The following PPP1R2 variants were observed in gnomAD, a reference collection of about 807,000 sequenced individuals.
PPP1R2 encodes the protein protein phosphatase 1 regulatory inhibitor subunit 2, also known as protein phosphatase inhibitor 2.
PPP1R2 carries 16 observed loss-of-function variants against 29.9 expected under a neutral mutation model. The observed-to-expected ratio is 0.53, with a 90% CI of 0.36 to 0.81. PPP1R2 has a LOEUF of 0.81. Among genes scored for constraint, PPP1R2 ranks in the 30% least tolerant of loss-of-function variants. The probability of loss-of-function intolerance (pLI) is 0.00; values close to 1 mark genes in which losing one functional copy is unlikely to be tolerated. For synonymous variants in PPP1R2, 76 were observed against 91.5 expected, an observed-to-expected ratio of 0.83 and a Z score of 0.96; for missense variants, 197 against 252.7, an observed-to-expected ratio of 0.78 and a Z score of 1.49.
intron 5 of PPP1R2, 84 bp from the exon 6 acceptor site, chr3:195,517,026 C>T: frequency 9.4e-7 from 1 of 1,059,126 alleles, no homozygotes; most frequent in Non-Finnish European, 1.4e-6. Context: ...GCATGCATGA[C>T]AAGCAAATAT....
intron 1 of PPP1R2, among the ~76,000 whole-genome samples, chr3:195,537,963 A>C (rs1719457803): frequency 6.6e-6 from 1 of 152,242 alleles, no homozygotes; most frequent in Admixed American, 6.5e-5. Context: ...GGCATCTCTA[A>C]AGTGATGGCA....
At chr3:195,526,546 G>A (rs774732183) in intron 2 of PPP1R2, among the ~76,000 whole-genome samples, 17 of 152,130 alleles carry the variant, frequency 1.1e-4, no homozygotes, top group African/African-American at 2.2e-4. Flanking sequence ...TTATTTGAAT[G>A]GCAAATATCT....
At chr3:195,537,481 T>TTTGTGTGTGTG (rs150119072) in intron 1 of PPP1R2, among the ~76,000 whole-genome samples, 1 of 128,574 alleles carries the variant, frequency 7.8e-6, no homozygotes, top group Admixed American at 8.6e-5. Context: ...GGATTAGCTA[T>TTTGTGTGTGTG]TGTGTGTGTG....
intron 1 of PPP1R2, among the ~76,000 whole-genome samples, chr3:195,540,112 C>T (rs1423739113): frequency 6.6e-6 from 1 of 152,094 alleles, no homozygotes; most frequent in Non-Finnish European, 1.5e-5. Flanking sequence ...GCAAGTTTAC[C>T]TACTTGCTAA....
At chr3:195,518,116 G>A (rs1334177636) in intron 5 of PPP1R2, among the ~76,000 whole-genome samples, 2 of 152,108 alleles carry the variant, frequency 1.3e-5, no homozygotes, top group African/African-American at 4.8e-5. Context: ...CTCCATTAGT[G>A]ATGCAGAAGA....
At chr3:195,524,974 C>T in intron 2 of PPP1R2, 78 bp from the exon 3 acceptor site, 1 of 1,173,622 alleles carries the variant, frequency 8.5e-7, no homozygotes, top group Non-Finnish European at 1.3e-6. Context: ...AAAACAATTC[C>T]ATCAACCTAC....
intron 1 of PPP1R2, among the ~76,000 whole-genome samples, chr3:195,541,455 C>CTTT (rs553981950): frequency 1.0e-5 from 1 of 99,314 alleles, no homozygotes; most frequent in Non-Finnish European, 2.0e-5. Flanking sequence ...CTTTTCTTTC[C>CTTT]TTTTTTTTTT....
At chr3:195,519,437 T>A (rs1718672858) in intron 4 of PPP1R2, 1 of 365,224 alleles carries the variant, frequency 2.7e-6, no homozygotes, top group African/African-American at 2.1e-5. Context: ...AGAAATTATA[T>A]TTGTGAAGAA....
At chr3:195,527,892 A>C (rs1332037797) in intron 2 of PPP1R2, 2 of 371,732 alleles carry the variant, frequency 5.4e-6, no homozygotes, top group Middle Eastern at 7.8e-4. Flanking sequence ...TAAGATTTTT[A>C]AAGTATATAC....
Position 195,515,727 on chromosome 3 carries a change from A to G in PPP1R2, c.*1169T>C, listed in dbSNP as rs1412722258. Reference sequence around the variant, plus strand: ...AATAATCATATCACTGGTTACATACAATTCTCATGCAAAGAAAACCCTCAA... The same window carrying G: ...AATAATCATATCACTGGTTACATACGATTCTCATGCAAAGAAAACCCTCAA... On this transcript the variant is annotated 3_prime_UTR_variant, in exon 6 of 6. Coordinates refer to ENST00000618156, the MANE Select transcript of PPP1R2 (RefSeq NM_006241.8). 6.6e-6 allele frequency: 1 copy of G among 152,094 alleles called. No individual in the cohort carries two copies. The highest frequency in any genetic ancestry group is 1.5e-5 in the Non-Finnish European group (1 of 67,974). 9.4% of individuals were successfully genotyped at this position (152,094 alleles called of 1,614,324 possible). A position where few individuals can be genotyped will look rare whatever the true frequency, so the allele number is the denominator to read the frequency against.
At chr3:195,527,342 T>C (rs1447917801) in intron 2 of PPP1R2, among the ~76,000 whole-genome samples, 1 of 151,838 alleles carries the variant, frequency 6.6e-6, no homozygotes, top group Non-Finnish European at 1.5e-5. Flanking sequence ...CCCAGCTACT[T>C]GGGAGGCTGA....
intron 1 of PPP1R2, among the ~76,000 whole-genome samples, chr3:195,537,761 G>C (rs937353264): frequency 1.3e-5 from 2 of 151,778 alleles, no homozygotes; most frequent in African/African-American, 4.8e-5. Context: ...CACTCAACTT[G>C]TTTTCTCAAC....
At chr3:195,517,582 TAAAC>T (rs1261482563) in intron 5 of PPP1R2, among the ~76,000 whole-genome samples, 41 of 152,162 alleles carry the variant, frequency 2.7e-4, no homozygotes, top group African/African-American at 9.4e-4. Flanking sequence ...AATCCTCCAT[TAAAC>T]TTAAACAAAA....
intron 1 of PPP1R2, among the ~76,000 whole-genome samples, chr3:195,536,271 C>A (rs1719378364): frequency 8.1e-6 from 1 of 122,734 alleles, no homozygotes; most frequent in South Asian, 2.5e-4. Flanking sequence ...TCAACCTGGG[C>A]AACATAGCGA....
chr3:195,523,694 C>T lies in PPP1R2; in HGVS notation c.401G>A (p.Arg134Gln), dbSNP rs370622318. The change falls in exon 4 of 6, where the codon CGA becomes CAA. Residue 134 changes from arginine (R) to glutamine (Q), a missense_variant and splice_region_variant. Physicochemically the swap from Arg to Gln is conservative, Grantham distance 43. Coordinates refer to ENST00000618156, the MANE Select transcript of PPP1R2 (RefSeq NM_006241.8). ...AAGCAGTAAAGGAAATAAACTACCTCGTTCTTCAGGTGAGAGGTCACTATC... is the reference window on the plus strand; with the variant it reads ...AAGCAGTAAAGGAAATAAACTACCTTGTTCTTCAGGTGAGAGGTCACTATC... The part of the protein sequence containing the change: ...EEDSDLSPEE[R>Q]EKKRQFEMKR... The T allele has an allele frequency of 4.3e-6, 7 of 1,612,366 alleles. No individual in the cohort carries two copies. The highest frequency in any genetic ancestry group is 1.1e-5 in the South Asian group (1 of 90,994).
intron 1 of PPP1R2, among the ~76,000 whole-genome samples, chr3:195,532,562 C>T (rs1367929871): frequency 3.3e-5 from 5 of 152,122 alleles, no homozygotes; most frequent in South Asian, 4.1e-4. Context: ...CAAATTTAAC[C>T]GGGAGACAGA....
chr3:195,529,652 T>G, intron 2 of PPP1R2, 142 bp downstream of exon 2: 1 of 558,980 alleles, frequency 1.8e-6, no homozygotes, highest in Non-Finnish European at 3.1e-6. Flanking sequence ...ACTAAACAAA[T>G]TGCAGTTAGG....
At chr3:195,542,732 G>T (rs538324280) in intron 1 of PPP1R2, among the ~76,000 whole-genome samples, 172 bp downstream of exon 1, 223 of 151,278 alleles carry the variant, frequency 1.5e-3, no homozygotes, top group Non-Finnish European at 2.8e-3. Context: ...CATGATAAAC[G>T]TCATCGCCCA....
chr3:195,527,538 C>A (rs1389907649), intron 2 of PPP1R2, among the ~76,000 whole-genome samples: 1 of 152,164 alleles, frequency 6.6e-6, no homozygotes, highest in East Asian at 1.9e-4. Flanking sequence ...GCTGAGATTA[C>A]AGGCGTTGAG....
Sources: gnomAD v4.1 joint callset for allele counts (sites outside exome capture counted in the v4.1 genomes callset) on GRCh38, gnomAD v4.1.1 for gene constraint, MANE v1.5 for transcripts, NCBI Gene and HGNC (gene_info 2026-07-23, HGNC 2026-07-21) for gene names.